RBFOX1: variants seen among roughly 807,000 people sequenced by gnomAD.
RBFOX1 encodes RNA binding protein fox-1 homolog 1.
A neutral mutation model predicts 57.7 loss-of-function variants in RBFOX1; 8 were observed. The ratio of observed to expected loss-of-function variants is 0.14; its 90% CI spans 0.08 to 0.25. The LOEUF (loss-of-function observed/expected upper bound fraction) is 0.25. RBFOX1 is among the 10% of genes least tolerant of loss of function. RBFOX1 has a pLI of 1.00. For synonymous variants in RBFOX1, 326 were observed against 222.4 expected, an observed-to-expected ratio of 1.47 and a Z score of -4.15; for missense variants, 611 against 548.5, an observed-to-expected ratio of 1.11 and a Z score of -1.14.
intron 1 of RBFOX1, among the ~76,000 whole-genome samples, chr16:6,297,039 C>A (rs2078199040): frequency 6.6e-6 from 1 of 152,140 alleles, no homozygotes; most frequent in African/African-American, 2.4e-5. Context: ...ATTCATGCCT[C>A]CCCTTTTTAG....
Position 5,305,571 on chromosome 16 carries a change from T to A in RBFOX1, c.219+65466T>A, listed in dbSNP as rs4786021. Among the ~76,000 whole-genome samples the A allele has an allele frequency of 1.3e-4, 19 of 152,000 alleles. 1 individual carries two copies. The highest frequency in any genetic ancestry group is 2.1e-4 in the Non-Finnish European group (14 of 68,014). ...CTGTTAGGATCTGTGAGATTTTATC[T>A]AATCTTCTCCATATTTCTTGCCCTT... is the stretch of plus-strand genomic sequence containing the variant. On this transcript the variant is annotated intron_variant, in intron 1 of 2. Transcript: ENST00000585867.
chr16:7,203,038 G>A (rs1441681921), intron 4 of RBFOX1, among the ~76,000 whole-genome samples: 1 of 152,024 alleles, frequency 6.6e-6, no homozygotes, highest in Non-Finnish European at 1.5e-5. Flanking sequence ...CGCCTGCCTC[G>A]GCCTCCCAAA....
chr16:6,949,085 T>G (rs1366984305), intron 3 of RBFOX1, among the ~76,000 whole-genome samples: 2 of 152,208 alleles, frequency 1.3e-5, no homozygotes, highest in African/African-American at 4.8e-5. Context: ...TGTCAAGGTT[T>G]CTTTATCCTC....
chr16:6,967,360 C>G (rs1397821226), intron 3 of RBFOX1, among the ~76,000 whole-genome samples: 2 of 152,078 alleles, frequency 1.3e-5, no homozygotes, highest in Non-Finnish European at 2.9e-5. Context: ...CTCTCATGTT[C>G]CTTGAGCAGG....
intron 10 of RBFOX1, among the ~76,000 whole-genome samples, chr16:7,621,365 A>T (rs180818763): frequency 6.6e-6 from 1 of 152,022 alleles, no homozygotes; most frequent in African/African-American, 2.4e-5. Flanking sequence ...GGTTCAAGCA[A>T]TTCTTGTGCC....
intron 3 of RBFOX1, among the ~76,000 whole-genome samples, chr16:5,762,223 A>C (rs2053617794): frequency 6.6e-6 from 1 of 152,202 alleles, no homozygotes; most frequent in Admixed American, 6.5e-5. Context: ...GTGAATAAGC[A>C]GTTCACAAAA....
At chr16:5,694,643 A>G (rs1264766082) in intron 3 of RBFOX1, among the ~76,000 whole-genome samples, 1 of 151,956 alleles carries the variant, frequency 6.6e-6, no homozygotes, top group Admixed American at 6.6e-5. Flanking sequence ...GTCCTTCCTG[A>G]GGGCTTTGCT....
At chr16:7,545,336 A>G (rs2084153267) in intron 5 of RBFOX1, among the ~76,000 whole-genome samples, 1 of 151,688 alleles carries the variant, frequency 6.6e-6, no homozygotes, top group African/African-American at 2.4e-5. Flanking sequence ...AGGTGGCGGC[A>G]TTGTTTGCAA....
chr16:5,327,490 A>G (rs1190461141), intron 1 of RBFOX1, among the ~76,000 whole-genome samples: 1 of 152,238 alleles, frequency 6.6e-6, no homozygotes, highest in Non-Finnish European at 1.5e-5. Flanking sequence ...CACTCGTTCA[A>G]GTCTTGACAC....
intron 4 of RBFOX1, among the ~76,000 whole-genome samples, chr16:7,297,338 C>G (rs1473669639): frequency 6.6e-6 from 1 of 152,188 alleles, no homozygotes; most frequent in Admixed American, 6.5e-5. Flanking sequence ...CTTCTCTTCT[C>G]CAGAAACATA....
chr16:6,122,780 A>G (rs1354314310), intron 1 of RBFOX1, among the ~76,000 whole-genome samples: 1 of 142,202 alleles, frequency 7.0e-6, no homozygotes, highest in African/African-American at 2.7e-5. Flanking sequence ...GCGGAATATG[A>G]TCTGTGTGGC....
At chr16:6,152,439 A>C (rs1169679283) in intron 1 of RBFOX1, among the ~76,000 whole-genome samples, 1 of 152,198 alleles carries the variant, frequency 6.6e-6, no homozygotes, top group African/African-American at 2.4e-5. Flanking sequence ...TTCAAGGTAG[A>C]AGCAGGAAAG....
chr16:5,897,453 C>T (rs1330500631), intron 4 of RBFOX1, among the ~76,000 whole-genome samples: 1 of 152,198 alleles, frequency 6.6e-6, no homozygotes, highest in Non-Finnish European at 1.5e-5. Context: ...TTCCTATCAT[C>T]ACTACCTCAT....
intron 4 of RBFOX1, among the ~76,000 whole-genome samples, chr16:5,931,193 CA>C (rs1372282589): frequency 6.6e-5 from 10 of 152,084 alleles, no homozygotes; most frequent in Admixed American, 2.0e-4. Flanking sequence ...GAGCTCCAAC[CA>C]CATCAATCAT....
At chr16:6,464,912 G>A (rs1265330656) in intron 2 of RBFOX1, among the ~76,000 whole-genome samples, 1 of 152,212 alleles carries the variant, frequency 6.6e-6, no homozygotes, top group Admixed American at 6.5e-5. Flanking sequence ...AGATCCCGGG[G>A]GCAATTCTGG....
intron 2 of RBFOX1, among the ~76,000 whole-genome samples, chr16:6,439,816 C>A (rs1302360196): frequency 6.6e-6 from 1 of 152,068 alleles, no homozygotes; most frequent in Non-Finnish European, 1.5e-5. Flanking sequence ...CCTGAATGAA[C>A]CAAGGTGAGC....
intron 3 of RBFOX1, among the ~76,000 whole-genome samples, chr16:6,795,563 C>T (rs530258861): frequency 7.9e-5 from 12 of 151,966 alleles, no homozygotes; most frequent in Non-Finnish European, 1.6e-4. Context: ...GTCACAAGTT[C>T]AAGACCAGCC....
chr16:6,489,292 C>G (rs190398561), intron 2 of RBFOX1, among the ~76,000 whole-genome samples: 11 of 152,242 alleles, frequency 7.2e-5, no homozygotes, highest in African/African-American at 1.4e-4. Context: ...TTATTTTCCT[C>G]TTATCTTTAA....
At chr16:6,973,717 C>G (rs185147375) in intron 3 of RBFOX1, among the ~76,000 whole-genome samples, 3 of 152,242 alleles carry the variant, frequency 2.0e-5, no homozygotes, top group African/African-American at 4.8e-5. Flanking sequence ...GTTTGTGATA[C>G]TCACTTTTAA....
Sources: gnomAD v4.1 joint callset for allele counts (sites outside exome capture counted in the v4.1 genomes callset) on GRCh38, gnomAD v4.1.1 for gene constraint, MANE v1.5 for transcripts, NCBI Gene and HGNC (gene_info 2026-07-23, HGNC 2026-07-21) for gene names.